ASTN1: variants seen among roughly 807,000 people sequenced by gnomAD.
ASTN1 encodes astrotactin 1.
In ASTN1, 41 loss-of-function variants were observed where a neutral mutation model predicts 140.7. The observed-to-expected ratio is 0.29, with a 90% CI of 0.23 to 0.38. The LOEUF (loss-of-function observed/expected upper bound fraction) is 0.38. Among genes scored for constraint, ASTN1 ranks in the 10% least tolerant of loss-of-function variants. The pLI is 1.00. For missense variants in ASTN1, 1,479 were observed against 1,678.8 expected (o/e 0.88, Z 2.08); for synonymous variants, 640 against 652.2 (o/e 0.98, Z 0.29).
chr1:177,155,924 C>A (rs1683215382), intron 1 of ASTN1, among the ~76,000 whole-genome samples: 2 of 152,118 alleles, frequency 1.3e-5, no homozygotes. Flanking sequence ...ACTCCTGTAA[C>A]AACAAGCACA....
Position 176,861,186 on chromosome 1 carries a change from C to T in ASTN1, c.*3098G>A. On this transcript the variant is annotated 3_prime_UTR_variant, in exon 23 of 23. Coordinates refer to ENST00000361833, the MANE Select transcript of ASTN1 (RefSeq NM_004319.3). ...AGATGGTCATATTATATTCTTTCTT[C>T]CTTCTGCAGTAGTAAAGTGTTTTTC... 1 of 963,580 alleles carries T rather than the reference C, an allele frequency of 1.0e-6. No homozygotes were observed. The highest frequency in any genetic ancestry group is 1.2e-6 in the Non-Finnish European group (1 of 809,838). The allele number at this position is 963,580 out of a possible 1,614,324, so 59.7% of individuals were successfully genotyped here.
chr1:176,939,341 G>A (rs995807060), intron 14 of ASTN1, among the ~76,000 whole-genome samples: 1 of 152,098 alleles, frequency 6.6e-6, no homozygotes, highest in Non-Finnish European at 1.5e-5. Flanking sequence ...ATGTTGGGTG[G>A]GGAAGAGGGG....
chr1:176,946,017 T>C lies in ASTN1; in HGVS notation c.2158A>G (p.Met720Val). 1.9e-6 allele frequency: 3 copies of C among 1,614,170 alleles called. No individual in the cohort carries two copies. The highest frequency in any genetic ancestry group is 2.5e-6 in the Non-Finnish European group (3 of 1,180,002). ...ATCTCCCCAAAGAGGGTCTGGTTCA[T>C]GGGAAGCTCCCTGCTTTCCCCACAG... ...SDCGESRELP[M>V]NQTLFGEMFF... Residue 720 changes from methionine to valine, a missense_variant, in exon 13 of 23, where the codon ATG becomes GTG. Around this residue, in one of 3 missense-constraint regions of ASTN1, gnomAD observed 746 missense variants for 800.9 expected, o/e 0.93. Transcript: ENST00000361833.
At chr1:177,100,330 A>G (rs1352143264) in intron 1 of ASTN1, among the ~76,000 whole-genome samples, 1 of 151,742 alleles carries the variant, frequency 6.6e-6, no homozygotes, top group Non-Finnish European at 1.5e-5. Flanking sequence ...CTTTGCCTTA[A>G]AAAAAAGCCT....
intron 8 of ASTN1, among the ~76,000 whole-genome samples, chr1:176,989,992 G>A (rs1317328496): frequency 6.6e-6 from 1 of 151,978 alleles, no homozygotes; most frequent in African/African-American, 2.4e-5. Context: ...ACTCTCAGTG[G>A]ATTTGGGTTC....
chr1:177,034,376 G>A (rs1468478776), intron 2 of ASTN1, among the ~76,000 whole-genome samples: 3 of 152,016 alleles, frequency 2.0e-5, no homozygotes, highest in African/African-American at 7.2e-5. Context: ...GGCTTGTTGG[G>A]GACAGATGTA....
At chr1:176,981,665 G>A (rs1673626876) in intron 8 of ASTN1, 1 of 152,680 alleles carries the variant, frequency 6.5e-6, no homozygotes, top group Non-Finnish European at 1.5e-5. Flanking sequence ...GAGCAATCAT[G>A]ATGTGGTGAT....
intron 1 of ASTN1, among the ~76,000 whole-genome samples, chr1:177,096,346 G>C (rs1381070915): frequency 6.6e-6 from 1 of 152,116 alleles, no homozygotes; most frequent in Non-Finnish European, 1.5e-5. Flanking sequence ...AAGGACATTT[G>C]GGGGCCTAGG....
intron 1 of ASTN1, among the ~76,000 whole-genome samples, chr1:177,135,114 G>A (rs1682127693): frequency 6.6e-6 from 1 of 151,974 alleles, no homozygotes; most frequent in Non-Finnish European, 1.5e-5. Flanking sequence ...TACTGCCATG[G>A]GACGTTGCTT....
In ASTN1 at chr1:177,143,374, A is replaced by G. The variant is rs1258325994; in HGVS notation, c.283+21020T>C. On this transcript the variant is annotated intron_variant, in intron 1 of 22. Transcript: ENST00000361833. The stretch of plus-strand genomic sequence containing the variant: ...AATGTGAGAATTATAGGGAAGTCAG[A>G]TTTGCTATGGCCACGCGCAGGGACT... Among the ~76,000 whole-genome samples the G allele has an allele frequency of 2.6e-5, 4 of 152,158 alleles. No individual in the cohort carries two copies. In the East Asian group the frequency reaches 7.7e-4, roughly 29 times the overall value.
At chr1:176,968,007 A>G (rs1184596758) in intron 8 of ASTN1, among the ~76,000 whole-genome samples, 1 of 152,168 alleles carries the variant, frequency 6.6e-6, no homozygotes, top group East Asian at 1.9e-4. Context: ...ATTTAAAGGC[A>G]GCAGGGCACA....
Position 176,861,913 on chromosome 1 carries a change from G to A in ASTN1, c.*2371C>T. 2.0e-6 allele frequency: 2 copies of A among 985,340 alleles called. No homozygotes were observed. Among genetic ancestry groups the A allele is most frequent in the Non-Finnish European group, 1.2e-6 (1 of 829,950 alleles). 61.0% of individuals were successfully genotyped at this position (985,340 alleles called of 1,614,324 possible). The stretch of plus-strand genomic sequence containing the variant: ...ACAGAAGGAGAGGGTACAGAGGAGT[G>A]ACTCTGATACCTGCTTCACCCTCTC... On this transcript the variant is annotated 3_prime_UTR_variant, in exon 23 of 23. Transcript: ENST00000361833.
chr1:176,873,575 C>T (rs1238965787), intron 21 of ASTN1, among the ~76,000 whole-genome samples: 1 of 152,128 alleles, frequency 6.6e-6, no homozygotes, highest in African/African-American at 2.4e-5. Flanking sequence ...GACCTGAGTG[C>T]TGCGAGATCA....
At chr1:177,127,008 G>T (rs974125250) in intron 1 of ASTN1, among the ~76,000 whole-genome samples, 2 of 152,084 alleles carry the variant, frequency 1.3e-5, no homozygotes, top group Non-Finnish European at 2.9e-5. Flanking sequence ...GCTAACATAT[G>T]CCCCCATGCC....
At chr1:177,018,067 A>G (rs1021063599) in intron 7 of ASTN1, among the ~76,000 whole-genome samples, 8 of 152,124 alleles carry the variant, frequency 5.3e-5, no homozygotes, top group African/African-American at 1.9e-4. Context: ...TGCTCCTTCT[A>G]AAAAGGGAAA....
chr1:177,029,520 A>G, intron 5 of ASTN1, 114 bp downstream of exon 5: 2 of 1,103,510 alleles, frequency 1.8e-6, no homozygotes, highest in Non-Finnish European at 2.7e-6. Context: ...TTCTTCTTGC[A>G]GAAACTGGTT....
intron 5 of ASTN1, among the ~76,000 whole-genome samples, chr1:177,028,388 A>G (rs943470408): frequency 1.1e-4 from 17 of 152,198 alleles, no homozygotes; most frequent in Non-Finnish European, 2.9e-5. Context: ...CAGAGCCACA[A>G]TGATCTCTTG....
rs768576957 is a variant in ASTN1 at position 177,149,146 on chromosome 1, T to TATATATATAGTGTATATATATA, written c.283+15247_283+15248insTATATATATACACTATATATAT. Among the ~76,000 whole-genome samples, 20 of 108,512 alleles carry TATATATATAGTGTATATATATA rather than the reference T, an allele frequency of 1.8e-4. 2 individuals are homozygous for TATATATATAGTGTATATATATA. The highest frequency in any genetic ancestry group is 1.3e-3 in the South Asian group (5 of 3,942). 71.2% of individuals were successfully genotyped at this position (108,512 alleles called of 152,430 possible). On this transcript the variant is annotated intron_variant, in intron 1 of 22. Transcript: ENST00000361833. ...AAATATATATAGTGCATATATATAG[T>TATATATATAGTGTATATATATA]GCATATATATAGTGTATATATAGTA...
At chr1:177,146,444 A>G (rs1682726092) in intron 1 of ASTN1, among the ~76,000 whole-genome samples, 1 of 152,212 alleles carries the variant, frequency 6.6e-6, no homozygotes, top group South Asian at 2.1e-4. Flanking sequence ...ACTCTTTATT[A>G]AAATCATTGT....
Sources: allele counts gnomAD v4.1 joint callset (sites outside exome capture counted in the v4.1 genomes callset), GRCh38; gene constraint gnomAD v4.1.1; regional missense constraint gnomAD v4.1.1; transcripts MANE v1.5; gene names NCBI Gene and HGNC (gene_info 2026-07-23, HGNC 2026-07-21).